Variants in PPM1L observed in about 807,000 individuals in gnomAD.
PPM1L encodes the protein protein phosphatase 1L.
PPM1L carries 13 observed loss-of-function variants against 31.4 expected under a neutral mutation model. That is an observed-to-expected ratio of 0.41 (90% CI 0.27 to 0.66). The LOEUF (loss-of-function observed/expected upper bound fraction) is 0.66. Among genes scored for constraint, PPM1L ranks in the 30% least tolerant of loss-of-function variants. The pLI, the probability that PPM1L is intolerant of heterozygous loss-of-function variation, is 0.29. For missense variants in PPM1L, 326 were observed against 453.7 expected (o/e 0.72, Z 2.56); for synonymous variants, 184 against 175.4 (o/e 1.05, Z -0.39).
At chr3:160,822,168 T>A (rs1713220749) in intron 1 of PPM1L, among the ~76,000 whole-genome samples, 1 of 152,092 alleles carries the variant, frequency 6.6e-6, no homozygotes, top group Non-Finnish European at 1.5e-5. Flanking sequence ...CCAACATAAT[T>A]GTCATTCTTT....
intron 1 of PPM1L, among the ~76,000 whole-genome samples, chr3:160,903,968 A>C (rs1385445899): frequency 6.6e-6 from 1 of 152,170 alleles, no homozygotes; most frequent in East Asian, 1.9e-4. Context: ...CCATTTATCC[A>C]TCTAATCTGC....
chr3:160,910,862 A>G (rs1402585711), intron 1 of PPM1L, among the ~76,000 whole-genome samples: 1 of 152,236 alleles, frequency 6.6e-6, no homozygotes, highest in Admixed American at 6.5e-5. Flanking sequence ...GGTAATCAAG[A>G]TGATATGCAC....
chr3:160,762,706 G>C (rs1395206887), intron 1 of PPM1L, among the ~76,000 whole-genome samples: 1 of 152,118 alleles, frequency 6.6e-6, no homozygotes, highest in Non-Finnish European at 1.5e-5. Flanking sequence ...ACAGCGATTG[G>C]GTGGAGAAAG....
At chr3:160,841,568 CA>C (rs1713879767) in intron 1 of PPM1L, among the ~76,000 whole-genome samples, 1 of 152,054 alleles carries the variant, frequency 6.6e-6, no homozygotes, top group Non-Finnish European at 1.5e-5. Context: ...TATTTCTGCC[CA>C]AACATTGATT....
chr3:161,016,175 C>T (rs542014028), intron 2 of PPM1L, among the ~76,000 whole-genome samples: 29 of 152,162 alleles, frequency 1.9e-4, no homozygotes, highest in African/African-American at 6.0e-4. Flanking sequence ...CTGATACTGC[C>T]GTTCTTTTGA....
chr3:161,011,110 GT>G (rs1559923608), intron 2 of PPM1L, among the ~76,000 whole-genome samples: 1 of 152,158 alleles, frequency 6.6e-6, no homozygotes, highest in Non-Finnish European at 1.5e-5. Flanking sequence ...GTCCTGAATG[GT>G]ATTGCCTAGG....
chr3:160,954,952 CTTCCTTCCT>C (rs1257249898), intron 1 of PPM1L, among the ~76,000 whole-genome samples: 793 of 69,766 alleles, frequency 0.011, 4 homozygotes, highest in African/African-American at 0.013. Flanking sequence ...TCCTTCCTTC[CTTCCTTCCT>C]TTCCTTTCCT....
chr3:160,946,987 C>G (rs1351872440), intron 1 of PPM1L, among the ~76,000 whole-genome samples: 1 of 152,084 alleles, frequency 6.6e-6, no homozygotes, highest in Non-Finnish European at 1.5e-5. Flanking sequence ...AGCAAAGAAT[C>G]AAAATGGTGT....
intron 2 of PPM1L, among the ~76,000 whole-genome samples, chr3:161,026,953 G>A (rs961460301): frequency 6.6e-6 from 1 of 152,148 alleles, no homozygotes; most frequent in African/African-American, 2.4e-5. Flanking sequence ...CAGAGATGAG[G>A]GCTGGAATCT....
intron 1 of PPM1L, among the ~76,000 whole-genome samples, chr3:160,857,159 C>G (rs142775468): frequency 2.6e-5 from 4 of 152,114 alleles, no homozygotes; most frequent in African/African-American, 9.7e-5. Flanking sequence ...AGGAAAAATA[C>G]GGAAATTTTT....
chr3:160,801,153 A>G (rs1273816157), intron 1 of PPM1L, among the ~76,000 whole-genome samples: 1 of 151,358 alleles, frequency 6.6e-6, no homozygotes, highest in African/African-American at 2.5e-5. Context: ...ACACACACAC[A>G]CACACACACA....
In PPM1L at chr3:161,004,677, G is replaced by A. The variant is rs1317997494; in HGVS notation, c.574+42767G>A. Among the ~76,000 whole-genome samples, 9 of 148,164 alleles carry A rather than the reference G, an allele frequency of 6.1e-5. 1 individual carries two copies. Among genetic ancestry groups the A allele is most frequent in the African/African-American group, 1.7e-4 (7 of 40,410 alleles). ...TGGTAGTTTGTATTTCTGTGGGATC[G>A]GTGGTGATATCCCCTTTATCATTTT... On this transcript the variant is annotated intron_variant, in intron 2 of 3. Coordinates refer to ENST00000498165, the MANE Select transcript of PPM1L (RefSeq NM_139245.4).
chr3:161,009,056 G>T (rs1242903437), intron 2 of PPM1L, among the ~76,000 whole-genome samples: 1 of 152,154 alleles, frequency 6.6e-6, no homozygotes, highest in Non-Finnish European at 1.5e-5. Context: ...CCGCAGACAG[G>T]GAAGAAAAGC....
At chr3:160,999,573 T>G (rs1717419697) in intron 2 of PPM1L, among the ~76,000 whole-genome samples, 1 of 152,234 alleles carries the variant, frequency 6.6e-6, no homozygotes, top group Admixed American at 6.5e-5. Flanking sequence ...TGCCACACTC[T>G]TAGGAAGTTA....
chr3:160,789,423 T>A lies in PPM1L; in HGVS notation c.399+32716T>A, dbSNP rs185208878. 2.7e-3 allele frequency among the ~76,000 whole-genome samples: 415 copies of A among 152,032 alleles called. 1 individual carries two copies. Among genetic ancestry groups the A allele is most frequent in the African/African-American group, 9.6e-3 (400 of 41,546 alleles). On this transcript the variant is annotated intron_variant, in intron 1 of 3. Coordinates refer to ENST00000498165, the MANE Select transcript of PPM1L (RefSeq NM_139245.4). ...TCTCACTCTTCTATTTGTATCTCTC[T>A]TATTATTTCTTTCTTCTAATTTTAT...
intron 2 of PPM1L, among the ~76,000 whole-genome samples, chr3:161,010,145 C>G (rs112056721): frequency 0.025 from 3,816 of 151,962 alleles, 85 homozygotes; most frequent in South Asian, 0.044. Context: ...TAATGCTATC[C>G]CTCCTCCTCC....
chr3:160,891,715 C>T (rs1293595870), intron 1 of PPM1L, among the ~76,000 whole-genome samples: 1 of 152,168 alleles, frequency 6.6e-6, no homozygotes, highest in East Asian at 1.9e-4. Context: ...TATTGCAGCA[C>T]TATTTACAAC....
rs534686926 is a variant in PPM1L at position 160,838,550 on chromosome 3, G to T, written c.399+81843G>T. Among the ~76,000 whole-genome samples, 4 of 151,024 alleles carry T rather than the reference G, an allele frequency of 2.6e-5. No individual in the cohort carries two copies. In the South Asian group the frequency reaches 6.2e-4, roughly 23 times the overall value. On this transcript the variant is annotated intron_variant, in intron 1 of 3. Transcript: ENST00000498165. The stretch of plus-strand genomic sequence containing the variant: ...TTTTTTAGAAGTAGCTGGAAATCTG[G>T]ATTTTTGACTGTAATATTTTTCAAT...
chr3:160,932,409 C>T (rs1164215215), intron 1 of PPM1L, among the ~76,000 whole-genome samples: 3 of 152,140 alleles, frequency 2.0e-5, no homozygotes, highest in African/African-American at 7.2e-5. Flanking sequence ...ATTTTGTCAC[C>T]TATAGTCTTA....
Sources: gnomAD v4.1 joint callset for allele counts (sites outside exome capture counted in the v4.1 genomes callset) on GRCh38, gnomAD v4.1.1 for gene constraint, MANE v1.5 for transcripts, NCBI Gene and HGNC (gene_info 2026-07-23, HGNC 2026-07-21) for gene names.